PRUNE1: variants seen among roughly 807,000 people sequenced by gnomAD.
The protein encoded by PRUNE1 is prune exopolyphosphatase 1.
A neutral mutation model predicts 42.5 loss-of-function variants in PRUNE1; 25 were observed. The observed-to-expected ratio is 0.59, with a 90% confidence interval of 0.43 to 0.82. The LOEUF (loss-of-function observed/expected upper bound fraction) is 0.82. PRUNE1 is among the 40% of genes least tolerant of loss of function. The pLI, the probability that PRUNE1 is intolerant of heterozygous loss-of-function variation, is 0.00. For missense variants in PRUNE1, 443 were observed against 539.3 expected (o/e 0.82, Z 1.77); for synonymous variants, 203 against 217.1 (o/e 0.93, Z 0.57).
intron 3 of PRUNE1, among the ~76,000 whole-genome samples, chr1:151,022,507 C>T (rs1402575997): frequency 2.0e-5 from 3 of 151,468 alleles, no homozygotes; most frequent in Admixed American, 6.6e-5. Flanking sequence ...CAAGCTCCGC[C>T]TCCCGGGTTC....
At chr1:151,029,557 CG>C (rs2102939333) in intron 7 of PRUNE1, among the ~76,000 whole-genome samples, 1 of 151,344 alleles carries the variant, frequency 6.6e-6, no homozygotes, top group East Asian at 2.0e-4. Context: ...TTAGTAGAGA[CG>C]GGGTTTCACC....
chr1:151,025,435 G>T, intron 4 of PRUNE1, 80 bp from the exon 5 acceptor site: 2 of 1,357,330 alleles, frequency 1.5e-6, no homozygotes, highest in Non-Finnish European at 2.0e-6. Context: ...GTGTCCATTT[G>T]GTGTGAAGGT....
chr1:151,033,996 C>T lies in PRUNE1; in HGVS notation c.1124C>T (p.Thr375Ile), dbSNP rs1382816924. ...SMKIPSGQPE[T>I]ADVSREQVDK... ...AAGATCCCTTCAGGACAGCCTGAGA[C>T]AGCAGATGTGTCCAGGGAGCAAGTG... Residue 375 changes from threonine (T) to isoleucine (I), a missense_variant, in exon 8 of 8, where the codon ACA becomes ATA. By Grantham distance (89) the Thr-to-Ile change is moderately conservative (BLOSUM62 -1). Coordinates refer to ENST00000271620, the MANE Select transcript of PRUNE1 (RefSeq NM_021222.3). The T allele has an allele frequency of 6.2e-7, 1 of 1,614,104 alleles. No individual in the cohort carries two copies. The highest frequency in any genetic ancestry group is 1.1e-5 in the South Asian group (1 of 91,084).
rs1393865647 is a variant in PRUNE1, at chr1:151,017,798, T to A, written c.40-14T>A. ...AGATACTTTTGTTAGTTTCCCATTT[T>A]CCTTTCTCTCCAGGAGTCCCGACCT... is the stretch of plus-strand genomic sequence containing the variant. On this transcript the variant is annotated splice_polypyrimidine_tract_variant and intron_variant, in intron 1 of 7. Transcript: ENST00000271620. 2 of 1,514,018 alleles carry A rather than the reference T, an allele frequency of 1.3e-6. No individual in the cohort carries two copies. Among genetic ancestry groups the A allele is most frequent in the Non-Finnish European group, 1.8e-6 (2 of 1,100,536 alleles). 93.8% of individuals were successfully genotyped at this position (1,514,018 alleles called of 1,614,324 possible).
chr1:151,022,581 T>C (rs868011169), intron 3 of PRUNE1, among the ~76,000 whole-genome samples: 69 of 151,494 alleles, frequency 4.6e-4, no homozygotes, highest in Non-Finnish European at 8.0e-4. Context: ...CCACCACACC[T>C]GGCTAATTTT....
At chr1:151,023,816 G>T (rs972429434) in intron 3 of PRUNE1, among the ~76,000 whole-genome samples, 1 of 152,082 alleles carries the variant, frequency 6.6e-6, no homozygotes, top group African/African-American at 2.4e-5. Context: ...AAATGTGGGG[G>T]TAAGATATTT....
chr1:151,010,778 C>T (rs1241060178), intron 1 of PRUNE1, among the ~76,000 whole-genome samples: 1 of 151,034 alleles, frequency 6.6e-6, no homozygotes, highest in Non-Finnish European at 1.5e-5. Context: ...GCCTCAGCCT[C>T]CTGAGTAGCT....
intron 4 of PRUNE1, 30 bp downstream of exon 4, chr1:151,024,825 G>A (rs760929388): frequency 9.5e-6 from 15 of 1,582,494 alleles, no homozygotes; most frequent in Non-Finnish European, 1.3e-5. Flanking sequence ...TGGGACCTCA[G>A]TAGTTCTATT....
Position 151,034,050 on chromosome 1 carries a change from C to T in PRUNE1, c.1178C>T (p.Ser393Phe), listed in dbSNP as rs769918718. ...VDKELDRASN[S>F]LISGLSQDEE... is the part of the protein sequence containing the mutation. ...AAGGAATTGGACAGGGCAAGTAACT[C>T]CCTGATTTCTGGCCTGAGTCAAGAT... The change falls in exon 8 of 8, where the codon TCC becomes TTC. Residue 393 changes from serine (S) to phenylalanine (F), a missense_variant. Ser to Phe is a radical substitution (Grantham distance 155). Coordinates refer to ENST00000271620, the MANE Select transcript of PRUNE1 (RefSeq NM_021222.3). 19 of 1,614,206 alleles carry T rather than the reference C, an allele frequency of 1.2e-5. No individual in the cohort carries two copies. The highest frequency in any genetic ancestry group is 1.6e-5 in the Non-Finnish European group (19 of 1,180,024).
In PRUNE1 at chr1:151,018,594, A is replaced by G; in HGVS notation, c.260A>G (p.Asp87Gly). Reference sequence around the variant, plus strand: ...CCAGAGAGTATCTTGATTTTTCGGGATGAGATTGACCTCCATGCATTATAC... The same window carrying G: ...CCAGAGAGTATCTTGATTTTTCGGGGTGAGATTGACCTCCATGCATTATAC... ...HIPESILIFR[D>G]EIDLHALYQA... Residue 87 changes from aspartate (D) to glycine (G), a missense_variant, in exon 3 of 8, where the codon GAT (aspartate) becomes GGT (glycine). Coordinates refer to ENST00000271620, the MANE Select transcript of PRUNE1 (RefSeq NM_021222.3). 9 of 1,614,148 alleles carry G rather than the reference A, an allele frequency of 5.6e-6. No individual in the cohort carries two copies. Among genetic ancestry groups the G allele is most frequent in the Non-Finnish European group, 7.6e-6 (9 of 1,180,020 alleles).
intron 5 of PRUNE1, 79 bp downstream of exon 5, chr1:151,025,752 T>A (rs1674793800): frequency 7.0e-7 from 1 of 1,426,970 alleles, no homozygotes; most frequent in African/African-American, 1.4e-5. Flanking sequence ...ATTATTTTTT[T>A]TTTTTTGAGA....
chr1:151,014,674 A>T (rs28517861), intron 1 of PRUNE1, among the ~76,000 whole-genome samples: 2,778 of 152,250 alleles, frequency 0.018, 62 homozygotes, highest in African/African-American at 0.051. Context: ...TAAACTCTTG[A>T]GTCTAGCAAA....
chr1:151,023,857 C>T (rs1243714325), intron 3 of PRUNE1, among the ~76,000 whole-genome samples: 3 of 151,824 alleles, frequency 2.0e-5, no homozygotes, highest in African/African-American at 7.3e-5. Context: ...TTTGCTTATA[C>T]ACTATTTAAA....
chr1:151,026,891 TCTC>T (rs1311372574), intron 5 of PRUNE1, among the ~76,000 whole-genome samples: 1 of 150,590 alleles, frequency 6.6e-6, no homozygotes, highest in Non-Finnish European at 1.5e-5. Context: ...TTCAAGTGAT[TCTC>T]CTGCTTCAGC....
At chr1:151,015,678 C>G (rs1674066266) in intron 1 of PRUNE1, among the ~76,000 whole-genome samples, 1 of 150,928 alleles carries the variant, frequency 6.6e-6, no homozygotes, top group Non-Finnish European at 1.5e-5. Flanking sequence ...GTGGCGGGTG[C>G]CTGTAGTCCC....
At chr1:151,033,298 T>A (rs1263050667) in intron 7 of PRUNE1, among the ~76,000 whole-genome samples, 1 of 150,744 alleles carries the variant, frequency 6.6e-6, no homozygotes, top group Non-Finnish European at 1.5e-5. Flanking sequence ...ATGGTCAGGC[T>A]GGTCTCAAAC....
intron 1 of PRUNE1, chr1:151,008,944 T>A (rs1319465164): frequency 3.2e-6 from 2 of 616,734 alleles, no homozygotes. Context: ...GTCTGAATCC[T>A]GCATTTGAGC....
chr1:151,010,442 C>T (rs1244147409), intron 1 of PRUNE1, among the ~76,000 whole-genome samples: 1 of 152,112 alleles, frequency 6.6e-6, no homozygotes, highest in Non-Finnish European at 1.5e-5. Flanking sequence ...TTTTCCAATA[C>T]TGCTGGCATC....
chr1:151,014,797 A>C (rs1673995891), intron 1 of PRUNE1, among the ~76,000 whole-genome samples: 1 of 152,158 alleles, frequency 6.6e-6, no homozygotes, highest in Non-Finnish European at 1.5e-5. Flanking sequence ...GTCTGGAGAC[A>C]TTTTTGTTTG....
Sources: allele counts gnomAD v4.1 joint callset (sites outside exome capture counted in the v4.1 genomes callset), GRCh38; gene constraint gnomAD v4.1.1; transcripts MANE v1.5; gene names NCBI Gene and HGNC (gene_info 2026-07-23, HGNC 2026-07-21).